The following GCAT variants were observed in gnomAD, a reference collection of about 807,000 sequenced individuals.
GCAT encodes the protein 2-amino-3-ketobutyrate coenzyme A ligase, mitochondrial.
Under a neutral mutation model 39.7 loss-of-function variants are expected in GCAT, and 26 were observed. The ratio of observed to expected loss-of-function variants is 0.65; its 90% CI spans 0.48 to 0.91. The LOEUF (loss-of-function observed/expected upper bound fraction) is 0.91, where lower values mean the gene tolerates loss of function less well. Among genes scored for constraint, GCAT ranks in the 40% least tolerant of loss-of-function variants. The pLI is 0.00. For synonymous variants in GCAT, 218 were observed against 237.2 expected, an observed-to-expected ratio of 0.92 and a Z score of 0.74; for missense variants, 550 against 576.2, an observed-to-expected ratio of 0.95 and a Z score of 0.47.
In GCAT at chr22:37,815,696, C is replaced by G. The variant is rs778885054; in HGVS notation, c.848C>G (p.Ser283Cys). The G allele has an allele frequency of 6.2e-7, 1 of 1,613,276 alleles. No homozygotes were observed. The highest frequency in any genetic ancestry group is 8.5e-7 in the Non-Finnish European group (1 of 1,179,714). Reference sequence around the variant, plus strand: ...ACGACAGGGCCTGGGCCCCTGGTGTCCCTGCTGCGGCAGCGCGCCCGGCCA... The same window carrying G: ...ACGACAGGGCCTGGGCCCCTGGTGTGCCTGCTGCGGCAGCGCGCCCGGCCA... The part of the protein sequence containing the change: ...GYTTGPGPLV[S>C]LLRQRARPYL... Residue 283 changes from serine (S) to cysteine (C), a missense_variant, in exon 7 of 9, where the codon TCC becomes TGC. Around this residue, in one of 3 missense-constraint regions of GCAT, gnomAD observed 378 missense variants for 390.4 expected, o/e 0.97. Coordinates refer to ENST00000248924, the MANE Select transcript of GCAT (RefSeq NM_014291.4).
In GCAT at chr22:37,815,225, G is replaced by T; in HGVS notation, c.676G>T (p.Ala226Ser). The T allele has an allele frequency of 6.2e-7, 1 of 1,614,114 alleles. No individual in the cohort carries two copies. The highest frequency in any genetic ancestry group is 8.5e-7 in the Non-Finnish European group (1 of 1,180,010). Residue 226 changes from alanine to serine, a missense_variant, in exon 5 of 9, where the codon GCC (alanine) becomes TCC (serine). Ala to Ser is a moderately conservative substitution (Grantham distance 99). This residue lies in a region of GCAT where 378 missense variants were observed against 390.4 expected (regional missense o/e 0.97). Transcript: ENST00000248924. ...EICCLASRYG[A>S]LVFMDECHAT... ...CTGCTGCCTCGCCTCTAGATATGGT[G>T]CCCTGGTCTTCATGGATGAATGCCA... is the stretch of plus-strand genomic sequence containing the variant.
At position 37,815,821 on chromosome 22, in the gene GCAT, G is replaced by T; in HGVS notation, c.973G>T (p.Ala325Ser). 1.2e-6 allele frequency: 2 copies of T among 1,613,944 alleles called. No individual in the cohort carries two copies. The highest frequency in any genetic ancestry group is 2.2e-5 in the South Asian group (2 of 91,072). The change falls in exon 7 of 9, where the codon GCC becomes TCC. Residue 325 changes from alanine (A) to serine (S), a missense_variant. Around this residue, in one of 3 missense-constraint regions of GCAT, gnomAD observed 378 missense variants for 390.4 expected, o/e 0.97. Coordinates refer to ENST00000248924, the MANE Select transcript of GCAT (RefSeq NM_014291.4). Reference protein sequence around the residue: ...GSNTIVQSMAAKTQRFRSKME... With the variant: ...GSNTIVQSMASKTQRFRSKME... ...TAACACCATTGTCCAGTCTATGGCTGCCAAGACCCAGAGGTGCGACTCCCA... is the reference window on the plus strand; with the variant it reads ...TAACACCATTGTCCAGTCTATGGCTTCCAAGACCCAGAGGTGCGACTCCCA...
In GCAT at chr22:37,812,749, A is replaced by G; in HGVS notation, c.328-138A>G. 4.5e-6 allele frequency: 3 copies of G among 661,146 alleles called. No homozygotes were observed. In the South Asian group the frequency reaches 5.1e-5, roughly 11 times the overall value. 41.0% of individuals were successfully genotyped at this position (661,146 alleles called of 1,614,324 possible). On this transcript the variant is annotated intron_variant, in intron 2 of 8. Coordinates refer to ENST00000248924, the MANE Select transcript of GCAT (RefSeq NM_014291.4). ...ATTCCTGGCAGCTCTGGGATAGCCC[A>G]TGTGTGGCAGAAAGTAAGGAGACTG... is the stretch of plus-strand genomic sequence containing the variant.
chr22:37,809,644 A>AC (rs982018563), intron 1 of GCAT, among the ~76,000 whole-genome samples: 8 of 151,742 alleles, frequency 5.3e-5, no homozygotes, highest in Non-Finnish European at 7.4e-5. Flanking sequence ...ACATAATGAG[A>AC]CCCCATCTCT....
At chr22:37,816,500 C>T in intron 8 of GCAT, 67 bp from the exon 9 acceptor site, 1 of 1,576,350 alleles carries the variant, frequency 6.3e-7, no homozygotes. Flanking sequence ...GGGGCAGTTC[C>T]CTTGCCCTCT....
chr22:37,809,344 G>T (rs528793356), intron 1 of GCAT, among the ~76,000 whole-genome samples: 1 of 152,276 alleles, frequency 6.6e-6, no homozygotes, highest in Non-Finnish European at 1.5e-5. Context: ...ACCTTTGGGG[G>T]TGTGATTCTG....
intron 6 of GCAT, 32 bp downstream of exon 6, chr22:37,815,532 T>C (rs1180717800): frequency 6.4e-7 from 1 of 1,571,962 alleles, no homozygotes; most frequent in South Asian, 1.1e-5. Context: ...TGGGGTCCCC[T>C]TGTCCTTTTG....
In GCAT at chr22:37,808,150, C is replaced by T. The variant is rs374289249; in HGVS notation, c.183C>T (p.Asp61=). The T allele has an allele frequency of 6.6e-6, 10 of 1,507,360 alleles. No homozygotes were observed. Among genetic ancestry groups the T allele is most frequent in the Non-Finnish European group, 8.0e-6 (9 of 1,127,882 alleles). 93.4% of individuals were successfully genotyped at this position (1,507,360 alleles called of 1,614,324 possible). Residue 61 remains aspartate, a synonymous_variant, in exon 1 of 9, where the codon GAC becomes GAT. Transcript: ENST00000248924. ...TSRQGPHIRV[D]GVSGGILNFC... Reference sequence around the variant, plus strand: ...GTCAGGGGCCGCACATCCGCGTGGACGGCGTCTCCGGAGGTAACGCTCCGT... The same window carrying T: ...GTCAGGGGCCGCACATCCGCGTGGATGGCGTCTCCGGAGGTAACGCTCCGT...
At chr22:37,813,423 G>A in intron 3 of GCAT, 40 bp from the exon 4 acceptor site, 1 of 1,561,850 alleles carries the variant, frequency 6.4e-7, no homozygotes, top group Non-Finnish European at 8.7e-7. Flanking sequence ...GAAGCCCAGG[G>A]TGGTTAAATG....
Position 37,812,926 on chromosome 22 carries a change from C to T in GCAT, c.367C>T (p.His123Tyr). Residue 123 changes from histidine (H) to tyrosine (Y), a missense_variant, in exon 3 of 9, where the codon CAC becomes TAC. Physicochemically the swap from His to Tyr is moderately conservative, Grantham distance 83. Around this residue, in one of 3 missense-constraint regions of GCAT, gnomAD observed 18 missense variants for 43.8 expected, o/e 0.41. Transcript: ENST00000248924. Reference protein sequence around the residue: ...KNLEAKIARFHQREDAILYPS... With the variant: ...KNLEAKIARFYQREDAILYPS... ...TCTAGAAGCAAAAATAGCCCGCTTC[C>T]ACCAGCGGGAGGATGCCATCCTCTA... 1.2e-6 allele frequency: 2 copies of T among 1,613,706 alleles called. No individual in the cohort carries two copies. Among genetic ancestry groups the T allele is most frequent in the Non-Finnish European group, 1.7e-6 (2 of 1,179,666 alleles).
chr22:37,814,699 T>A (rs1330758159), intron 4 of GCAT, among the ~76,000 whole-genome samples: 4 of 152,172 alleles, frequency 2.6e-5, no homozygotes, highest in Non-Finnish European at 5.9e-5. Context: ...GGTCTCACTA[T>A]GTTGCCCAGG....
intron 4 of GCAT, 69 bp downstream of exon 4, chr22:37,813,678 T>C: frequency 7.1e-7 from 1 of 1,408,242 alleles, no homozygotes; most frequent in Non-Finnish European, 9.5e-7. Context: ...AGAGGCCAAC[T>C]CCTCACTCAC....
chr22:37,811,393 A>G (rs1921565680), intron 2 of GCAT, among the ~76,000 whole-genome samples: 2 of 150,322 alleles, frequency 1.3e-5, no homozygotes, highest in African/African-American at 4.9e-5. Context: ...AGGCAGGAGA[A>G]TCGCTTGAAC....
chr22:37,816,830 T>G lies in GCAT; in HGVS notation c.*112T>G. On this transcript the variant is annotated 3_prime_UTR_variant, in exon 9 of 9. Coordinates refer to ENST00000248924, the MANE Select transcript of GCAT (RefSeq NM_014291.4). ...GAGCCCTGAACCAAAGTCCCAGAGC[T>G]GGGCTGGGACGTGACCTGTGCTGAG... 2.7e-6 allele frequency: 3 copies of G among 1,091,932 alleles called. No individual in the cohort carries two copies. The Admixed American group carries it at 6.2e-5, about 23-fold the overall frequency. 67.6% of individuals were successfully genotyped at this position (1,091,932 alleles called of 1,614,324 possible).
At chr22:37,810,280 C>A in intron 2 of GCAT, 123 bp downstream of exon 2, 1 of 743,412 alleles carries the variant, frequency 1.3e-6, no homozygotes, top group Non-Finnish European at 2.4e-6. Flanking sequence ...GGCCTCAGAG[C>A]TGTGCAGCAG....
chr22:37,815,549 C>A (rs753615356), intron 6 of GCAT, 49 bp downstream of exon 6: 20 of 1,534,752 alleles, frequency 1.3e-5, no homozygotes, highest in Non-Finnish European at 1.7e-5. Context: ...TTTGAAGGGC[C>A]CTGGAGGGGC....
chr22:37,811,571 C>T (rs960163272), intron 2 of GCAT, among the ~76,000 whole-genome samples: 1 of 148,200 alleles, frequency 6.7e-6, no homozygotes, highest in Non-Finnish European at 1.5e-5. Flanking sequence ...CCAAATGTTA[C>T]AAAATAAATT....
rs756269468 is a variant in GCAT, at chr22:37,812,988, G to C, written c.429G>C (p.Glu143Asp). The change falls in exon 3 of 9, where the codon GAG becomes GAC. Residue 143 changes from glutamate to aspartate, a missense_variant and splice_region_variant. Coordinates refer to ENST00000248924, the MANE Select transcript of GCAT (RefSeq NM_014291.4). ...ATGACGCCAACGCCGGCCTCTTTGAGGTGTGTGGAAGCTGTCCTGCGGGTG... is the reference window on the plus strand; with the variant it reads ...ATGACGCCAACGCCGGCCTCTTTGACGTGTGTGGAAGCTGTCCTGCGGGTG... ...SCYDANAGLFEALLTPEDAVL... is the reference protein window; with the variant it reads ...SCYDANAGLFDALLTPEDAVL... 2.5e-6 allele frequency: 4 copies of C among 1,607,488 alleles called. No individual in the cohort carries two copies. In the South Asian group the frequency reaches 4.4e-5, roughly 18 times the overall value.
At chr22:37,812,288 G>GC (rs1172203201) in intron 2 of GCAT, among the ~76,000 whole-genome samples, 2 of 152,076 alleles carry the variant, frequency 1.3e-5, no homozygotes, top group Non-Finnish European at 2.9e-5. Context: ...GCTACAGTAA[G>GC]CTATGGTCTC....
Sources: allele counts gnomAD v4.1 joint callset (sites outside exome capture counted in the v4.1 genomes callset), GRCh38; gene constraint gnomAD v4.1.1; regional missense constraint gnomAD v4.1.1; transcripts MANE v1.5; gene names NCBI Gene and HGNC (gene_info 2026-07-23, HGNC 2026-07-21).